The following ANKFY1 variants were observed in gnomAD, a reference collection of about 807,000 sequenced individuals.
ANKFY1 encodes ankyrin repeat and FYVE domain-containing protein 1.
Under a neutral mutation model 128.3 loss-of-function variants are expected in ANKFY1, and 47 were observed. The observed-to-expected ratio is 0.37, with a 90% confidence interval of 0.29 to 0.47. The LOEUF (loss-of-function observed/expected upper bound fraction) is 0.47, where lower values mean the gene tolerates loss of function less well. Among genes scored for constraint, ANKFY1 ranks in the 20% least tolerant of loss-of-function variants. The pLI, the probability that ANKFY1 is intolerant of heterozygous loss-of-function variation, is 1.00. For synonymous variants in ANKFY1, 553 were observed against 601.6 expected (o/e 0.92, Z 1.18); for missense variants, 1,222 against 1,510.6 (o/e 0.81, Z 3.17).
At chr17:4,172,519 C>T in intron 22 of ANKFY1, 37 bp downstream of exon 22, 1 of 1,597,024 alleles carries the variant, frequency 6.3e-7, no homozygotes, top group Non-Finnish European at 8.5e-7. Context: ...GCAAGGTGCG[C>T]AAGTGAGACG....
At chr17:4,258,302 G>A (rs1348295250) in intron 1 of ANKFY1, among the ~76,000 whole-genome samples, 3 of 152,120 alleles carry the variant, frequency 2.0e-5, no homozygotes, top group African/African-American at 4.8e-5. Flanking sequence ...GAGGCGGGCG[G>A]ATCACGAGGT....
intron 1 of ANKFY1, among the ~76,000 whole-genome samples, chr17:4,256,234 C>A (rs1383234911): frequency 6.6e-6 from 1 of 152,084 alleles, no homozygotes; most frequent in Admixed American, 6.5e-5. Context: ...CGAGACCATC[C>A]TGGCTAACAG....
intron 2 of ANKFY1, among the ~76,000 whole-genome samples, chr17:4,238,152 TAAAAA>T (rs55944256): frequency 4.3e-5 from 4 of 92,690 alleles, no homozygotes; most frequent in Admixed American, 1.2e-4. Context: ...CTTATTTATT[TAAAAA>T]AAAAAAAAAA....
intron 18 of ANKFY1, among the ~76,000 whole-genome samples, chr17:4,177,603 T>C (rs573051709): frequency 6.6e-6 from 1 of 152,160 alleles, no homozygotes; most frequent in South Asian, 2.1e-4. Flanking sequence ...AAAGACAATC[T>C]GAAGGATAGG....
chr17:4,204,871 C>T (rs2059993474), intron 7 of ANKFY1, among the ~76,000 whole-genome samples: 1 of 152,198 alleles, frequency 6.6e-6, no homozygotes, highest in African/African-American at 2.4e-5. Flanking sequence ...GAGGAAGATG[C>T]ATCTGCTCTT....
At chr17:4,189,264 G>T in intron 11 of ANKFY1, 118 bp downstream of exon 11, 1 of 748,628 alleles carries the variant, frequency 1.3e-6, no homozygotes, top group South Asian at 1.8e-5. Context: ...CCATATGCAT[G>T]TATTATTCTG....
intron 7 of ANKFY1, among the ~76,000 whole-genome samples, chr17:4,202,979 C>CATAT (rs1187854341): frequency 1.9e-5 from 2 of 104,264 alleles, no homozygotes; most frequent in Non-Finnish European, 4.3e-5. Flanking sequence ...TATAATCATA[C>CATAT]ACATATATAT....
At position 4,209,852 on chromosome 17, in the gene ANKFY1, T is replaced by C; in HGVS notation, c.554A>G (p.Tyr185Cys). 1 of 1,613,976 alleles carries C rather than the reference T, an allele frequency of 6.2e-7. No individual in the cohort carries two copies. The highest frequency in any genetic ancestry group is 8.5e-7 in the Non-Finnish European group (1 of 1,179,880). The stretch of plus-strand genomic sequence containing the variant: ...ATGACTTGCAATAATTTCTGCACAG[T>C]AGTTCATCAGTGTGCTGGCATTCAG... ...EELNASTLMN[Y>C]CAEIIASHWD... The change falls in exon 5 of 25, where the codon TAC becomes TGC. Residue 185 changes from tyrosine (Y) to cysteine (C), a missense_variant. Tyr to Cys is a radical substitution (Grantham distance 194, BLOSUM62 -2). Coordinates refer to ENST00000341657, the MANE Select transcript of ANKFY1 (RefSeq NM_001330063.2).
At position 4,208,087 on chromosome 17, in the gene ANKFY1, G is replaced by T. The variant is rs374488771; in HGVS notation, c.583-5C>A. On this transcript the variant is annotated splice_region_variant and splice_polypyrimidine_tract_variant and intron_variant, in intron 5 of 24. Coordinates refer to ENST00000341657, the MANE Select transcript of ANKFY1 (RefSeq NM_001330063.2). Reference sequence around the variant, plus strand: ...ATCCTCCTTCCTCAGGTCGTCCTGAGAATTCACAACACAGTGAAAAGCAGA... The same window carrying T: ...ATCCTCCTTCCTCAGGTCGTCCTGATAATTCACAACACAGTGAAAAGCAGA... 7 of 1,600,062 alleles carry T rather than the reference G, an allele frequency of 4.4e-6. No individual in the cohort carries two copies. In the African/African-American group the frequency reaches 9.4e-5, roughly 22 times the overall value.
At position 4,183,489 on chromosome 17, in the gene ANKFY1, C is replaced by T. The variant is rs558725553; in HGVS notation, c.1861G>A (p.Asp621Asn). The T allele has an allele frequency of 9.9e-6, 16 of 1,613,464 alleles. No homozygotes were observed. The highest frequency in any genetic ancestry group is 2.7e-5 in the African/African-American group (2 of 75,040). Residue 621 changes from aspartate (D) to asparagine (N), a missense_variant, in exon 14 of 25, where the codon GAT becomes AAT. By Grantham distance (23) the Asp-to-Asn change is conservative (BLOSUM62 1). Transcript: ENST00000341657. ...GCCATGTGCAGTAGCGTCTGCCCAT[C>T]CGACATGGTGTCATTGATGGCGGCT... Reference protein sequence around the residue: ...SGAAINDTMSDGQTLLHMAIQ... With the variant: ...SGAAINDTMSNGQTLLHMAIQ...
At position 4,164,382 on chromosome 17, in the gene ANKFY1, T is replaced by G. The variant is rs1318120005; in HGVS notation, c.*3397A>C. The G allele has an allele frequency of 6.5e-6, 1 of 152,684 alleles. No individual in the cohort carries two copies. Among genetic ancestry groups the G allele is most frequent in the Non-Finnish European group, 1.5e-5 (1 of 68,048 alleles). The allele number at this position is 152,684 out of a possible 1,614,324, so 9.5% of individuals were successfully genotyped here. On this transcript the variant is annotated 3_prime_UTR_variant, in exon 25 of 25. Transcript: ENST00000341657. The stretch of plus-strand genomic sequence containing the variant: ...GGGTTTTTATCTTGCCAGTCAGCTC[T>G]CACTAAAGTACTTCCACAGAGTGAG...
rs2059548356 is a variant in ANKFY1 at position 4,183,279 on chromosome 17, C to G, written c.1952+119G>C. On this transcript the variant is annotated intron_variant, in intron 14 of 24. Transcript: ENST00000341657. ...CCGCAGTTGTGTGTTTCTAGAGCTACTGTTTCCTTTCCTCTAACTAATATG... is the reference window on the plus strand; with the variant it reads ...CCGCAGTTGTGTGTTTCTAGAGCTAGTGTTTCCTTTCCTCTAACTAATATG... 2.5e-6 allele frequency: 3 copies of G among 1,215,804 alleles called. No individual in the cohort carries two copies. In the African/African-American group the frequency reaches 4.5e-5, roughly 18 times the overall value. The allele number at this position is 1,215,804 out of a possible 1,614,324, so 75.3% of individuals were successfully genotyped here. A position where few individuals can be genotyped will look rare whatever the true frequency, so the allele number is the denominator to read the frequency against.
chr17:4,241,986 G>A (rs1967256577), intron 2 of ANKFY1, among the ~76,000 whole-genome samples: 1 of 151,472 alleles, frequency 6.6e-6, no homozygotes, highest in Non-Finnish European at 1.5e-5. Context: ...CCACTCGGGA[G>A]GCTGAGGCAA....
chr17:4,203,492 T>C (rs2054149354), intron 7 of ANKFY1, among the ~76,000 whole-genome samples: 2 of 152,182 alleles, frequency 1.3e-5, no homozygotes, highest in South Asian at 4.2e-4. Context: ...CATTTTCAAA[T>C]TTACTAAAAA....
chr17:4,231,508 T>C (rs913521563), intron 3 of ANKFY1, among the ~76,000 whole-genome samples: 1 of 152,044 alleles, frequency 6.6e-6, no homozygotes, highest in Non-Finnish European at 1.5e-5. Flanking sequence ...AAAAGAATCC[T>C]ACAGAAGTGA....
chr17:4,182,733 A>G (rs2059537727), intron 14 of ANKFY1, among the ~76,000 whole-genome samples: 1 of 152,156 alleles, frequency 6.6e-6, no homozygotes, highest in African/African-American at 2.4e-5. Flanking sequence ...ATTTGACTCC[A>G]TGTCTTTTTC....
At chr17:4,228,270 A>G (rs1353451786) in intron 3 of ANKFY1, among the ~76,000 whole-genome samples, 3 of 152,224 alleles carry the variant, frequency 2.0e-5, no homozygotes, top group African/African-American at 4.8e-5. Flanking sequence ...ATGCTCTATG[A>G]TTGCACTTCT....
At chr17:4,232,285 C>A (rs1183475753) in intron 3 of ANKFY1, among the ~76,000 whole-genome samples, 1 of 152,126 alleles carries the variant, frequency 6.6e-6, no homozygotes, top group Non-Finnish European at 1.5e-5. Context: ...AGTGTCAGTG[C>A]TTCCAGGTAT....
intron 4 of ANKFY1, among the ~76,000 whole-genome samples, chr17:4,211,998 A>G (rs2060141911): frequency 6.6e-6 from 1 of 152,208 alleles, no homozygotes; most frequent in South Asian, 2.1e-4. Context: ...AAGCAGGACC[A>G]CATTGTAGTC....
Sources: gnomAD v4.1 joint callset for allele counts (sites outside exome capture counted in the v4.1 genomes callset) on GRCh38, gnomAD v4.1.1 for gene constraint, MANE v1.5 for transcripts, NCBI Gene and HGNC (gene_info 2026-07-23, HGNC 2026-07-21) for gene names.